Variants in CNTNAP2 observed in about 807,000 individuals in gnomAD.
CNTNAP2 encodes contactin associated protein 2, also known as contactin-associated protein-like 2.
In CNTNAP2, 98 loss-of-function variants were observed where a neutral mutation model predicts 155.2. The ratio of observed to expected loss-of-function variants is 0.63; its 90% CI spans 0.54 to 0.75. The LOEUF is 0.75. CNTNAP2 is among the 30% of genes least tolerant of loss of function. The pLI is 0.00. For synonymous variants in CNTNAP2, 651 were observed against 631.2 expected (o/e 1.03, Z -0.47); for missense variants, 1,727 against 1,688.1 (o/e 1.02, Z -0.40).
At position 147,618,708 on chromosome 7, in the gene CNTNAP2, TACACACACACAC is replaced by T. The variant is rs112885206; in HGVS notation, c.1898-20385_1898-20374del. ...TATATATATATAATAACAGCTATTA[TACACACACACAC>T]ACACACACACACTTATACGATTAAG... On this transcript the variant is annotated intron_variant, in intron 12 of 23. Coordinates refer to ENST00000361727, the MANE Select transcript of CNTNAP2 (RefSeq NM_014141.6). 1.2e-4 allele frequency among the ~76,000 whole-genome samples: 16 copies of T among 132,074 alleles called. No homozygotes were observed. The East Asian group carries it at 3.2e-3, about 26-fold the overall frequency. 86.6% of individuals were successfully genotyped at this position (132,074 alleles called of 152,430 possible).
At chr7:147,965,442 C>A (rs940343909) in intron 14 of CNTNAP2, among the ~76,000 whole-genome samples, 4 of 151,934 alleles carry the variant, frequency 2.6e-5, no homozygotes, top group Non-Finnish European at 5.9e-5. Context: ...TCTTCTCTCT[C>A]ATCTCCCATT....
chr7:147,223,511 C>A (rs1168926959), intron 8 of CNTNAP2, among the ~76,000 whole-genome samples: 1 of 152,158 alleles, frequency 6.6e-6, no homozygotes, highest in Non-Finnish European at 1.5e-5. Flanking sequence ...CGGCTTTATA[C>A]CCTGAGGCAT....
intron 8 of CNTNAP2, among the ~76,000 whole-genome samples, chr7:147,206,444 T>C (rs1299722765): frequency 1.3e-5 from 2 of 152,024 alleles, no homozygotes; most frequent in African/African-American, 4.8e-5. Flanking sequence ...ATGCCTGTAA[T>C]CCCAGCTACT....
chr7:146,771,641 G>T (rs1802294480), intron 1 of CNTNAP2, among the ~76,000 whole-genome samples: 4 of 152,092 alleles, frequency 2.6e-5, no homozygotes, highest in Admixed American at 2.6e-4. Flanking sequence ...GAGGCACGCA[G>T]TATAACTAAG....
chr7:147,253,898 G>A (rs1037146692), intron 8 of CNTNAP2, among the ~76,000 whole-genome samples: 1 of 152,144 alleles, frequency 6.6e-6, no homozygotes, highest in African/African-American at 2.4e-5. Context: ...AATCTTCTAT[G>A]GCATCAGTCT....
At chr7:148,220,162 G>C (rs1057167895) in intron 19 of CNTNAP2, among the ~76,000 whole-genome samples, 2 of 152,208 alleles carry the variant, frequency 1.3e-5, no homozygotes, top group South Asian at 4.1e-4. Context: ...GAGTGCAGTG[G>C]CATGATCTCG....
intron 10 of CNTNAP2, among the ~76,000 whole-genome samples, chr7:147,415,005 T>G (rs1039122039): frequency 7.3e-6 from 1 of 136,182 alleles, no homozygotes; most frequent in South Asian, 2.4e-4. Context: ...TGAGAACTGA[T>G]AGAAAACAGA....
At chr7:147,221,820 G>A (rs1041499448) in intron 8 of CNTNAP2, among the ~76,000 whole-genome samples, 4 of 152,064 alleles carry the variant, frequency 2.6e-5, no homozygotes, top group African/African-American at 9.7e-5. Context: ...AAGTCTCCAT[G>A]TCTCCTTAAC....
At chr7:148,279,749 T>G (rs1796939599) in intron 21 of CNTNAP2, among the ~76,000 whole-genome samples, 1 of 152,084 alleles carries the variant, frequency 6.6e-6, no homozygotes, top group African/African-American at 2.4e-5. Flanking sequence ...AGAATATATC[T>G]CCATTATAAA....
intron 1 of CNTNAP2, among the ~76,000 whole-genome samples, chr7:146,448,156 T>C (rs1796428369): frequency 6.6e-6 from 1 of 152,032 alleles, no homozygotes; most frequent in Admixed American, 6.5e-5. Context: ...GATTGAGAAA[T>C]GGCTGTTAAC....
At chr7:147,258,775 A>G (rs971517247) in intron 8 of CNTNAP2, among the ~76,000 whole-genome samples, 9 of 152,214 alleles carry the variant, frequency 5.9e-5, no homozygotes, top group Admixed American at 1.3e-4. Context: ...AGTTGTGAAC[A>G]TGAATTCCAC....
intron 8 of CNTNAP2, among the ~76,000 whole-genome samples, chr7:147,262,482 C>T (rs1472838180): frequency 1.3e-5 from 2 of 148,454 alleles, no homozygotes; most frequent in Admixed American, 6.6e-5. Flanking sequence ...AGGACACAGA[C>T]ACACACAGAG....
At chr7:146,413,166 T>G (rs2129111538) in intron 1 of CNTNAP2, among the ~76,000 whole-genome samples, 1 of 152,288 alleles carries the variant, frequency 6.6e-6, no homozygotes, top group African/African-American at 2.4e-5. Context: ...GAAAAAGCAC[T>G]TGACTAGCTG....
At chr7:148,369,201 T>C (rs1798841995) in intron 21 of CNTNAP2, among the ~76,000 whole-genome samples, 1 of 132,730 alleles carries the variant, frequency 7.5e-6, no homozygotes, top group African/African-American at 2.9e-5. Context: ...TTTTTTTTTT[T>C]TTTTTTTTTT....
chr7:146,784,931 G>A (rs180705511), intron 2 of CNTNAP2, among the ~76,000 whole-genome samples: 1 of 151,170 alleles, frequency 6.6e-6, no homozygotes, highest in East Asian at 1.9e-4. Context: ...TAGGCAAAAT[G>A]TGTTTACGAG....
At chr7:146,869,881 A>C (rs577677883) in intron 3 of CNTNAP2, among the ~76,000 whole-genome samples, 12 of 152,240 alleles carry the variant, frequency 7.9e-5, no homozygotes, top group Middle Eastern at 3.4e-3. Flanking sequence ...CACTGACTCG[A>C]ATATTAATCT....
intron 1 of CNTNAP2, among the ~76,000 whole-genome samples, chr7:146,259,735 T>C (rs1012969442): frequency 6.6e-6 from 1 of 152,316 alleles, no homozygotes; most frequent in Non-Finnish European, 1.5e-5. Flanking sequence ...CTGATACTTA[T>C]ATTTTAAAGG....
At chr7:148,137,286 G>A (rs1804973351) in intron 16 of CNTNAP2, among the ~76,000 whole-genome samples, 1 of 152,164 alleles carries the variant, frequency 6.6e-6, no homozygotes, top group Non-Finnish European at 1.5e-5. Flanking sequence ...ATTTAAATTG[G>A]TTATGCATCT....
At chr7:146,715,446 C>A (rs1482376861) in intron 1 of CNTNAP2, among the ~76,000 whole-genome samples, 1 of 152,176 alleles carries the variant, frequency 6.6e-6, no homozygotes, top group Non-Finnish European at 1.5e-5. Flanking sequence ...AAGACCTTAT[C>A]TATTGTCCAG....
Sources: gnomAD v4.1 joint callset for allele counts (sites outside exome capture counted in the v4.1 genomes callset) on GRCh38, gnomAD v4.1.1 for gene constraint, MANE v1.5 for transcripts, NCBI Gene and HGNC (gene_info 2026-07-23, HGNC 2026-07-21) for gene names.